FAM135B: variants seen among roughly 807,000 people sequenced by gnomAD.
FAM135B encodes the protein protein FAM135B.
FAM135B carries 43 observed loss-of-function variants against 127.7 expected under a neutral mutation model. The observed-to-expected ratio is 0.34, with a 90% confidence interval of 0.26 to 0.43. The LOEUF (loss-of-function observed/expected upper bound fraction) is 0.43. Ranked by LOEUF, FAM135B falls within the 20% of genes least tolerant of loss-of-function variation. FAM135B has a pLI of 1.00. For synonymous variants in FAM135B, 670 were observed against 665.1 expected, an observed-to-expected ratio of 1.01 and a Z score of -0.11; for missense variants, 1,558 against 1,725.6, an observed-to-expected ratio of 0.90 and a Z score of 1.72.
intron 3 of FAM135B, among the ~76,000 whole-genome samples, chr8:138,291,281 A>G (rs1825091349): frequency 6.6e-6 from 1 of 152,192 alleles, no homozygotes; most frequent in African/African-American, 2.4e-5. Flanking sequence ...TTGACCAGGC[A>G]TTTGACTAAT....
At chr8:138,292,783 G>A (rs12682124) in intron 3 of FAM135B, among the ~76,000 whole-genome samples, 6,639 of 151,970 alleles carry the variant, frequency 0.044, 261 homozygotes, top group East Asian at 0.25. Flanking sequence ...GCTCAATATC[G>A]TGAAAATGAC....
chr8:138,325,648 T>C (rs1421586697), intron 2 of FAM135B, among the ~76,000 whole-genome samples: 2 of 152,180 alleles, frequency 1.3e-5, no homozygotes, highest in African/African-American at 2.4e-5. Context: ...ATGACCTCTA[T>C]AAAATGTATG....
intron 2 of FAM135B, among the ~76,000 whole-genome samples, chr8:138,340,275 C>T (rs904585135): frequency 2.0e-5 from 3 of 151,988 alleles, no homozygotes; most frequent in East Asian, 1.9e-4. Flanking sequence ...CAGAACAATA[C>T]GAACGATACA....
intron 19 of FAM135B, among the ~76,000 whole-genome samples, chr8:138,134,329 A>C (rs2130507385): frequency 6.6e-6 from 1 of 152,348 alleles, no homozygotes; most frequent in Non-Finnish European, 1.5e-5. Flanking sequence ...ATATATTGTT[A>C]CACAAATACC....
chr8:138,278,803 A>T (rs1172879482), intron 3 of FAM135B, among the ~76,000 whole-genome samples: 1 of 152,026 alleles, frequency 6.6e-6, no homozygotes, highest in Non-Finnish European at 1.5e-5. Context: ...TTCTTAAAAA[A>T]CTTCATTTTC....
At chr8:138,315,198 C>A in intron 2 of FAM135B, among the ~76,000 whole-genome samples, 1 of 151,878 alleles carries the variant, frequency 6.6e-6, no homozygotes, top group East Asian at 1.9e-4. Flanking sequence ...TTCAAATTAC[C>A]AACACGTTTG....
chr8:138,130,799 T>A lies in FAM135B; in HGVS notation c.*1794A>T, dbSNP rs1366051075. On this transcript the variant is annotated 3_prime_UTR_variant, in exon 20 of 20. Transcript: ENST00000395297. Reference sequence around the variant, plus strand: ...CAGCACTCCTCATGAAGAACCAGAGTCTATGCCCAGCTCTGACTCGGGAGC... The same window carrying A: ...CAGCACTCCTCATGAAGAACCAGAGACTATGCCCAGCTCTGACTCGGGAGC... The A allele has an allele frequency of 6.6e-6, 1 of 151,960 alleles. No homozygotes were observed. Among genetic ancestry groups the A allele is most frequent in the Non-Finnish European group, 1.5e-5 (1 of 68,014 alleles). 9.4% of individuals were successfully genotyped at this position (151,960 alleles called of 1,614,324 possible). A position where few individuals can be genotyped will look rare whatever the true frequency, so the allele number is the denominator to read the frequency against.
chr8:138,359,544 T>A (rs369034093), intron 2 of FAM135B, among the ~76,000 whole-genome samples: 1 of 152,210 alleles, frequency 6.6e-6, no homozygotes, highest in East Asian at 1.9e-4. Context: ...AGTTGTTTCT[T>A]AGTCAAGCAA....
At chr8:138,374,185 G>C (rs1265835260) in intron 1 of FAM135B, among the ~76,000 whole-genome samples, 1 of 152,104 alleles carries the variant, frequency 6.6e-6, no homozygotes, top group African/African-American at 2.4e-5. Context: ...TTTGTACTCT[G>C]TCCCTTTATT....
intron 2 of FAM135B, among the ~76,000 whole-genome samples, chr8:138,320,872 T>C (rs1212898869): frequency 6.6e-6 from 1 of 152,210 alleles, no homozygotes; most frequent in East Asian, 1.9e-4. Flanking sequence ...TGATAAAGAA[T>C]CCACATGCAA....
chr8:138,185,071 G>T (rs1815424540), intron 9 of FAM135B, among the ~76,000 whole-genome samples: 1 of 152,170 alleles, frequency 6.6e-6, no homozygotes. Flanking sequence ...GTGCTGTGAA[G>T]TCCTAGCGCC....
At chr8:138,159,908 A>G (rs1819190061) in intron 12 of FAM135B, among the ~76,000 whole-genome samples, 1 of 152,192 alleles carries the variant, frequency 6.6e-6, no homozygotes, top group Non-Finnish European at 1.5e-5. Context: ...ATGCTTAAAC[A>G]CTATATGCTA....
intron 1 of FAM135B, among the ~76,000 whole-genome samples, chr8:138,399,242 T>C (rs957522651): frequency 6.6e-6 from 1 of 152,158 alleles, no homozygotes; most frequent in Non-Finnish European, 1.5e-5. Flanking sequence ...CTTTGAACCA[T>C]ATATTATATG....
chr8:138,299,781 A>G (rs1033514361), intron 3 of FAM135B, among the ~76,000 whole-genome samples: 3 of 152,178 alleles, frequency 2.0e-5, no homozygotes, highest in Non-Finnish European at 4.4e-5. Flanking sequence ...AGTATGCAGA[A>G]AAATCACAAA....
intron 3 of FAM135B, among the ~76,000 whole-genome samples, chr8:138,306,435 G>C (rs866344894): frequency 7.6e-6 from 1 of 130,924 alleles, no homozygotes; most frequent in Non-Finnish European, 1.6e-5. Context: ...ACTCCGTCTC[G>C]AAAAAAAAAG....
intron 5 of FAM135B, among the ~76,000 whole-genome samples, chr8:138,251,389 T>C (rs1014823881): frequency 5.3e-5 from 8 of 152,184 alleles, no homozygotes; most frequent in African/African-American, 1.7e-4. Context: ...AGATGTCCAG[T>C]GCTCTCCTCA....
chr8:138,449,269 C>T (rs572497815), intron 1 of FAM135B, among the ~76,000 whole-genome samples: 1 of 152,214 alleles, frequency 6.6e-6, no homozygotes, highest in African/African-American at 2.4e-5. Flanking sequence ...GCTAAGAGAG[C>T]TTGTGCTGGA....
At chr8:138,456,742 C>T (rs1392023947) in intron 1 of FAM135B, among the ~76,000 whole-genome samples, 1 of 152,122 alleles carries the variant, frequency 6.6e-6, no homozygotes, top group Non-Finnish European at 1.5e-5. Context: ...TCTTTAGAAG[C>T]ACATTTTTCT....
At chr8:138,162,614 C>T (rs940599099) in intron 12 of FAM135B, among the ~76,000 whole-genome samples, 3 of 152,156 alleles carry the variant, frequency 2.0e-5, no homozygotes, top group Non-Finnish European at 4.4e-5. Context: ...AACCTGAAAT[C>T]TCTTTTAAAA....
Sources: allele counts gnomAD v4.1 joint callset (sites outside exome capture counted in the v4.1 genomes callset), GRCh38; gene constraint gnomAD v4.1.1; transcripts MANE v1.5; gene names NCBI Gene and HGNC (gene_info 2026-07-23, HGNC 2026-07-21).